CSMD1: variants seen among roughly 807,000 people sequenced by gnomAD.
The protein encoded by CSMD1 is CUB and sushi domain-containing protein 1.
In CSMD1, 213 loss-of-function variants were observed where a neutral mutation model predicts 417.5. The ratio of observed to expected loss-of-function variants is 0.51; its 90% CI spans 0.46 to 0.57. CSMD1 has a LOEUF of 0.57. Among genes scored for constraint, CSMD1 ranks in the 20% least tolerant of loss-of-function variants. The pLI is 0.00. For synonymous variants in CSMD1, 2,862 were observed against 1,736.8 expected, an observed-to-expected ratio of 1.65 and a Z score of -16.11; for missense variants, 6,923 against 4,529.7, an observed-to-expected ratio of 1.53 and a Z score of -15.17.
At chr8:2,990,205 C>G (rs1806255437) in intron 54 of CSMD1, among the ~76,000 whole-genome samples, 1 of 152,208 alleles carries the variant, frequency 6.6e-6, no homozygotes, top group African/African-American at 2.4e-5. Flanking sequence ...GTCCTTGCAG[C>G]TGCATGAGCA....
intron 1 of CSMD1, among the ~76,000 whole-genome samples, chr8:4,750,076 G>T (rs1159444863): frequency 6.6e-6 from 1 of 152,036 alleles, no homozygotes; most frequent in Non-Finnish European, 1.5e-5. Flanking sequence ...GGCGATCTCG[G>T]CTCACCGCAA....
intron 7 of CSMD1, among the ~76,000 whole-genome samples, chr8:3,705,268 C>G (rs1801100416): frequency 6.6e-6 from 1 of 152,190 alleles, no homozygotes; most frequent in Non-Finnish European, 1.5e-5. Context: ...ACAAGGTCAC[C>G]CTCTGCAAAG....
intron 5 of CSMD1, among the ~76,000 whole-genome samples, chr8:3,856,279 T>G (rs567396224): frequency 1.9e-4 from 29 of 152,260 alleles, no homozygotes; most frequent in African/African-American, 7.0e-4. Flanking sequence ...AAGACACACC[T>G]GCTTCCGCTT....
chr8:3,532,911 T>C (rs1798040321), intron 10 of CSMD1, among the ~76,000 whole-genome samples: 1 of 152,214 alleles, frequency 6.6e-6, no homozygotes, highest in Admixed American at 6.5e-5. Flanking sequence ...CATTACTAAA[T>C]ATAAACCATG....
chr8:2,940,159 C>T (rs1801769088), intron 69 of CSMD1, among the ~76,000 whole-genome samples: 1 of 152,172 alleles, frequency 6.6e-6, no homozygotes, highest in African/African-American at 2.4e-5. Flanking sequence ...GTAGAGAGTG[C>T]TACAGGCTTG....
At chr8:2,987,776 G>A (rs1429325998) in intron 54 of CSMD1, among the ~76,000 whole-genome samples, 1 of 152,176 alleles carries the variant, frequency 6.6e-6, no homozygotes, top group Admixed American at 6.5e-5. Flanking sequence ...GGCAGCTTCG[G>A]GGAGACTGGA....
At chr8:3,879,858 G>C (rs114564911) in intron 5 of CSMD1, among the ~76,000 whole-genome samples, 1 of 150,146 alleles carries the variant, frequency 6.7e-6, no homozygotes, top group East Asian at 1.9e-4. Flanking sequence ...TGTGTGTTGC[G>C]TTTTAGTCTT....
intron 5 of CSMD1, among the ~76,000 whole-genome samples, chr8:3,887,340 T>C (rs1391120302): frequency 6.6e-6 from 1 of 152,160 alleles, no homozygotes; most frequent in Non-Finnish European, 1.5e-5. Flanking sequence ...GTTTTCAGGA[T>C]AGCAATAAAA....
rs112656488 is a variant in CSMD1 at position 3,599,157 on chromosome 8, G to C, written c.1098-12897C>G. Among the ~76,000 whole-genome samples, 498 of 136,148 alleles carry C rather than the reference G, an allele frequency of 3.7e-3. 2 individuals carry two copies. The highest frequency in any genetic ancestry group is 0.012 in the African/African-American group (396 of 34,414). The allele number at this position is 136,148 out of a possible 152,430, so 89.3% of individuals were successfully genotyped here. A position where few individuals can be genotyped will look rare whatever the true frequency, so the allele number is the denominator to read the frequency against. ...TGTGTGTGTGTGTGTGTGTCTGTGTGTGTGTCTGTGTGTGTGTGTGTGTGA... is the reference window on the plus strand; with the variant it reads ...TGTGTGTGTGTGTGTGTGTCTGTGTCTGTGTCTGTGTGTGTGTGTGTGTGA... On this transcript the variant is annotated intron_variant, in intron 8 of 69. Coordinates refer to ENST00000635120, the MANE Select transcript of CSMD1 (RefSeq NM_033225.6).
intron 26 of CSMD1, among the ~76,000 whole-genome samples, chr8:3,235,499 C>T (rs1283995653): frequency 6.6e-6 from 1 of 152,130 alleles, no homozygotes; most frequent in Non-Finnish European, 1.5e-5. Context: ...ATACTGCACA[C>T]CCCAGTTTCC....
intron 10 of CSMD1, among the ~76,000 whole-genome samples, chr8:3,552,400 A>C (rs1798955847): frequency 6.6e-6 from 1 of 152,214 alleles, no homozygotes; most frequent in Non-Finnish European, 1.5e-5. Context: ...TACATGCTAA[A>C]ATAAACAGTT....
At chr8:2,950,970 G>A in intron 66 of CSMD1, 144 bp downstream of exon 66, 1 of 679,560 alleles carries the variant, frequency 1.5e-6, no homozygotes, top group Non-Finnish European at 2.2e-6. Flanking sequence ...TCACGGCTAG[G>A]GAGAGGCTCC....
chr8:4,715,188 A>G (rs1808575757), intron 1 of CSMD1, among the ~76,000 whole-genome samples: 1 of 152,222 alleles, frequency 6.6e-6, no homozygotes, highest in African/African-American at 2.4e-5. Context: ...TCGCAGAAAA[A>G]GAAAACGAAG....
chr8:3,596,386 C>T (rs994540747), intron 8 of CSMD1, among the ~76,000 whole-genome samples: 3 of 152,172 alleles, frequency 2.0e-5, no homozygotes, highest in Non-Finnish European at 2.9e-5. Flanking sequence ...TCAGGGCAGA[C>T]CTTTGGGGCC....
At chr8:3,881,334 A>G (rs549837907) in intron 5 of CSMD1, among the ~76,000 whole-genome samples, 22 of 151,522 alleles carry the variant, frequency 1.5e-4, no homozygotes, top group African/African-American at 5.3e-4. Flanking sequence ...GAATATATAG[A>G]TATATAAAAA....
chr8:3,506,654 T>C (rs2117372298), intron 10 of CSMD1, among the ~76,000 whole-genome samples: 1 of 152,302 alleles, frequency 6.6e-6, no homozygotes, highest in South Asian at 2.1e-4. Flanking sequence ...ATCTGCATAT[T>C]CAGTAAGTTT....
intron 1 of CSMD1, among the ~76,000 whole-genome samples, chr8:4,843,106 C>T (rs556815029): frequency 1.3e-4 from 20 of 152,222 alleles, no homozygotes; most frequent in Admixed American, 7.2e-4. Context: ...TTAGGATGTG[C>T]GAATTGAGAG....
chr8:3,156,152 G>C (rs992447244), intron 39 of CSMD1, among the ~76,000 whole-genome samples: 3 of 152,224 alleles, frequency 2.0e-5, no homozygotes, highest in African/African-American at 7.2e-5. Flanking sequence ...CTTTAAAATA[G>C]CTAATGTTCA....
At chr8:4,612,289 T>C (rs148147579) in intron 2 of CSMD1, among the ~76,000 whole-genome samples, 330 of 152,242 alleles carry the variant, frequency 2.2e-3, no homozygotes, top group African/African-American at 7.8e-3. Context: ...AGCTAAAACT[T>C]CAAAAATACC....
Sources: gnomAD v4.1 joint callset for allele counts (sites outside exome capture counted in the v4.1 genomes callset) on GRCh38, gnomAD v4.1.1 for gene constraint, MANE v1.5 for transcripts, NCBI Gene and HGNC (gene_info 2026-07-23, HGNC 2026-07-21) for gene names.